FANCM: variants seen among roughly 807,000 people sequenced by gnomAD.
FANCM encodes the protein FA complementation group M, also known as Fanconi anemia group M protein.
FANCM carries 140 observed loss-of-function variants against 199.5 expected under a neutral mutation model. The observed-to-expected ratio is 0.70, with a 90% CI of 0.61 to 0.81. The LOEUF (loss-of-function observed/expected upper bound fraction) is 0.81. FANCM is among the 30% of genes least tolerant of loss of function. The probability of loss-of-function intolerance (pLI) is 0.00; values close to 1 mark genes in which losing one functional copy is unlikely to be tolerated. For synonymous variants in FANCM, 840 were observed against 836.8 expected (o/e 1.00, Z -0.07); for missense variants, 2,410 against 2,421.4 (o/e 1.00, Z 0.10).
chr14:45,154,274 G>A (rs1009129820), intron 6 of FANCM, among the ~76,000 whole-genome samples: 4 of 151,880 alleles, frequency 2.6e-5, no homozygotes, highest in South Asian at 4.2e-4. Flanking sequence ...GATGGTGCAC[G>A]CCTGTAATCC....
At chr14:45,154,117 A>G (rs1356224509) in intron 6 of FANCM, 65 bp downstream of exon 6, 88 of 1,237,046 alleles carry the variant, frequency 7.1e-5, no homozygotes, top group Non-Finnish European at 9.4e-5. Flanking sequence ...GACATATTGA[A>G]GGGCTGGGCA....
rs1021759657 is a variant in FANCM at position 45,196,152 on chromosome 14, A to G, written c.5341-20A>G. Reference sequence around the variant, plus strand: ...TTATGCATTTAACCTGAATGTGACCAGTGTTTTCCACTTTTTCAGGATGGT... The same window carrying G: ...TTATGCATTTAACCTGAATGTGACCGGTGTTTTCCACTTTTTCAGGATGGT... On this transcript the variant is annotated intron_variant, in intron 20 of 22. Transcript: ENST00000267430. 1.2e-6 allele frequency: 2 copies of G among 1,613,974 alleles called. No homozygotes were observed. The highest frequency in any genetic ancestry group is 1.7e-6 in the Non-Finnish European group (2 of 1,179,832).
At chr14:45,162,085 TGGATAAGACTGCA>T (rs1329054709) in intron 9 of FANCM, among the ~76,000 whole-genome samples, 1 of 152,164 alleles carries the variant, frequency 6.6e-6, no homozygotes, top group Non-Finnish European at 1.5e-5. Context: ...TTAACTAAGA[TGGATAAGACTGCA>T]GGAAAGGCCA....
intron 20 of FANCM, among the ~76,000 whole-genome samples, chr14:45,191,954 G>A (rs1889792831): frequency 1.3e-5 from 2 of 151,974 alleles, no homozygotes; most frequent in East Asian, 3.9e-4. Flanking sequence ...TGTTTAGAAA[G>A]CCATACTCTA....
At chr14:45,195,728 G>A (rs1890019071) in intron 20 of FANCM, 2 of 322,084 alleles carry the variant, frequency 6.2e-6, no homozygotes, top group African/African-American at 2.2e-5. Context: ...AACTGAACAG[G>A]TTTAGTTGTT....
Position 45,187,863 on chromosome 14 carries a change from T to A in FANCM, c.4755T>A (p.His1585Gln). The A allele has an allele frequency of 6.6e-7, 1 of 1,525,078 alleles. No homozygotes were observed. 94.5% of individuals were successfully genotyped at this position (1,525,078 alleles called of 1,614,324 possible). Reference sequence around the variant, plus strand: ...AGTACAAAATGATTCATAAGACACATAAAAACATAAACATTTTCTCGCAGG... The same window carrying A: ...AGTACAAAATGATTCATAAGACACAAAAAAACATAAACATTTTCTCGCAGG... ...NNKYKMIHKT[H>Q]KNINIFSQIP... Residue 1585 changes from histidine (H) to glutamine (Q), a missense_variant, in exon 19 of 23, where the codon CAT (histidine) becomes CAA (glutamine). Transcript: ENST00000267430.
At chr14:45,185,705 A>G (rs564467324) in intron 18 of FANCM, among the ~76,000 whole-genome samples, 24 of 152,318 alleles carry the variant, frequency 1.6e-4, no homozygotes, top group African/African-American at 5.5e-4. Context: ...CAAAATAGAC[A>G]AAAAATTTCT....
In FANCM at chr14:45,185,313, C is replaced by A; in HGVS notation, c.4612C>A (p.Gln1538Lys). The change falls in exon 18 of 23, where the codon CAA (glutamine) becomes AAA (lysine). Residue 1538 changes from glutamine to lysine, a missense_variant. Physicochemically the swap from Gln to Lys is moderately conservative, Grantham distance 53. Coordinates refer to ENST00000267430, the MANE Select transcript of FANCM (RefSeq NM_020937.4). ...SDENDESENE[Q>K]DSSLLDFLND... ...TGAAAATGATGAGTCAGAAAATGAA[C>A]AAGATTCCTCATTACTTGACTTTTT... 6.3e-7 allele frequency: 1 copy of A among 1,594,438 alleles called. No homozygotes were observed. The highest frequency in any genetic ancestry group is 8.6e-7 in the Non-Finnish European group (1 of 1,164,612).
intron 16 of FANCM, among the ~76,000 whole-genome samples, chr14:45,182,242 G>A (rs1199536255): frequency 6.6e-6 from 1 of 152,058 alleles, no homozygotes; most frequent in Non-Finnish European, 1.5e-5. Flanking sequence ...AGAAGAGAAG[G>A]CATTGTTTAC....
At chr14:45,138,953 G>A (rs1342957929) in intron 2 of FANCM, among the ~76,000 whole-genome samples, 2 of 152,140 alleles carry the variant, frequency 1.3e-5, no homozygotes, top group African/African-American at 2.4e-5. Context: ...AATAGTTCTG[G>A]AAGGCATATT....
Position 45,135,987 on chromosome 14 carries a change from G to A in FANCM, c.-45G>A, listed in dbSNP as rs780270104. Reference sequence around the variant, plus strand: ...TCGGAACCGTAGCGGTTGAGCTGCTGCTGCTACGGATATCTGACAGAAGCC... The same window carrying A: ...TCGGAACCGTAGCGGTTGAGCTGCTACTGCTACGGATATCTGACAGAAGCC... On this transcript the variant is annotated 5_prime_UTR_variant, in exon 1 of 23. Transcript: ENST00000267430. The A allele has an allele frequency of 1.9e-6, 3 of 1,607,472 alleles. No individual in the cohort carries two copies. Among genetic ancestry groups the A allele is most frequent in the Non-Finnish European group, 1.7e-6 (2 of 1,176,094 alleles).
chr14:45,150,017 G>A (rs1886705203), intron 4 of FANCM, among the ~76,000 whole-genome samples: 2 of 152,128 alleles, frequency 1.3e-5, no homozygotes, highest in South Asian at 4.1e-4. Context: ...CATTTTCACT[G>A]GGAGAAATTT....
chr14:45,196,173 A>T lies in FANCM; in HGVS notation c.5342A>T (p.Asp1781Val). ...GACCAGTGTTTTCCACTTTTTCAGG[A>T]TGGTAGTGCTTTGGAGGATTCTAGC... ...DCRKFPVPQK[D>V]GSALEDSSTS... Residue 1781 changes from aspartate to valine, a missense_variant and splice_region_variant, in exon 21 of 23, where the codon GAT (aspartate) becomes GTT (valine). Coordinates refer to ENST00000267430, the MANE Select transcript of FANCM (RefSeq NM_020937.4). 3 of 1,614,074 alleles carry T rather than the reference A, an allele frequency of 1.9e-6. No individual in the cohort carries two copies. The Middle Eastern group carries it at 4.9e-4, about 266-fold the overall frequency.
chr14:45,138,924 T>G (rs1885719963), intron 2 of FANCM, among the ~76,000 whole-genome samples: 1 of 152,236 alleles, frequency 6.6e-6, no homozygotes, highest in South Asian at 2.1e-4. Flanking sequence ...GTAATGTATT[T>G]GGCTTACTTT....
chr14:45,140,608 C>G (rs762087315), intron 2 of FANCM, 24 bp from the exon 3 acceptor site: 4 of 1,355,780 alleles, frequency 3.0e-6, no homozygotes, highest in Non-Finnish European at 4.2e-6. Context: ...ACAGATGAAA[C>G]TAAAGAACTT....
At position 45,167,061 on chromosome 14, in the gene FANCM, A is replaced by G; in HGVS notation, c.1900A>G (p.Asn634Asp). The G allele has an allele frequency of 6.2e-7, 1 of 1,613,456 alleles. No homozygotes were observed. The highest frequency in any genetic ancestry group is 2.2e-5 in the East Asian group (1 of 44,854). The change falls in exon 11 of 23, where the codon AAC becomes GAC. Residue 634 changes from asparagine to aspartate, a missense_variant. Asn to Asp is a conservative substitution (Grantham distance 23). Transcript: ENST00000267430. ...TCCACGAATGGTTCCTGATGGAATC[A>G]ACCCAAAATTACACAAAATGTTCAT... ...RSPRMVPDGI[N>D]PKLHKMFITH... is the part of the protein sequence containing the mutation.
intron 17 of FANCM, among the ~76,000 whole-genome samples, chr14:45,184,754 T>C (rs1889284198): frequency 6.6e-6 from 1 of 151,802 alleles, no homozygotes; most frequent in African/African-American, 2.4e-5. Context: ...TAGGTAACTT[T>C]ATCATTTCTT....
intron 9 of FANCM, among the ~76,000 whole-genome samples, chr14:45,162,613 A>T (rs1341618447): frequency 1.3e-5 from 2 of 152,204 alleles, no homozygotes; most frequent in African/African-American, 2.4e-5. Context: ...AGGCACCAGT[A>T]ATAAACAGTT....
intron 3 of FANCM, among the ~76,000 whole-genome samples, 164 bp from the exon 4 acceptor site, chr14:45,148,673 G>C (rs1886601198): frequency 6.6e-6 from 1 of 152,050 alleles, no homozygotes; most frequent in Non-Finnish European, 1.5e-5. Flanking sequence ...TGCTACTTCT[G>C]ATGTACTTTT....
Sources: gnomAD v4.1 joint callset for allele counts (sites outside exome capture counted in the v4.1 genomes callset) on GRCh38, gnomAD v4.1.1 for gene constraint, MANE v1.5 for transcripts, NCBI Gene and HGNC (gene_info 2026-07-23, HGNC 2026-07-21) for gene names.